Variants in OCA2 observed in about 807,000 individuals in gnomAD.
OCA2 encodes the protein OCA2 melanosomal transmembrane protein.
In OCA2, 77 loss-of-function variants were observed where a neutral mutation model predicts 100.2. That is an observed-to-expected ratio of 0.77 (90% CI 0.64 to 0.93). The LOEUF (loss-of-function observed/expected upper bound fraction) is 0.93. OCA2 is among the 40% of genes least tolerant of loss of function. The pLI is 0.00. For synonymous variants in OCA2, 432 were observed against 439.2 expected (o/e 0.98, Z 0.21); for missense variants, 1,062 against 1,089.1 (o/e 0.98, Z 0.35).
chr15:27,831,884 A>T (rs1302284418), intron 23 of OCA2, among the ~76,000 whole-genome samples: 1 of 152,158 alleles, frequency 6.6e-6, no homozygotes, highest in Non-Finnish European at 1.5e-5. Context: ...GAGCCCCAGC[A>T]GGGTGTCTGC....
Position 28,019,856 on chromosome 15 carries a change from G to A in OCA2, c.647-1299C>T, listed in dbSNP as rs565020248. ...CCCCTCCTCCCCAGGCAGGCCTCAG[G>A]CCTGCAGCTTTCACAAAGCTCAGCT... On this transcript the variant is annotated intron_variant, in intron 6 of 23. Coordinates refer to ENST00000354638, the MANE Select transcript of OCA2 (RefSeq NM_000275.3). Among the ~76,000 whole-genome samples the A allele has an allele frequency of 2.4e-3, 369 of 152,278 alleles. 1 individual carries two copies. The highest frequency in any genetic ancestry group is 8.6e-3 in the African/African-American group (356 of 41,538).
chr15:27,730,154 C>T, the OCA2 span, among the ~76,000 whole-genome samples: 5 of 152,222 alleles, frequency 3.3e-5, no homozygotes, highest in East Asian at 3.9e-4. Context: ...GGGGCTCACA[C>T]AGCTCCTCCT....
intron 14 of OCA2, among the ~76,000 whole-genome samples, chr15:27,971,516 T>A (rs1324904913): frequency 2.6e-5 from 4 of 152,164 alleles, no homozygotes; most frequent in African/African-American, 9.7e-5. Flanking sequence ...CGACTCATGC[T>A]TACCCAAGGG....
rs78696274 is a variant in OCA2 at position 27,780,786 on chromosome 15, C to T, written c.2433-25314G>A. On this transcript the variant is annotated intron_variant, in intron 23 of 23. Transcript: ENST00000354638. Reference sequence around the variant, plus strand: ...TGAGGCGATATCCTTTGAAGAGGAACGGGAGAATCAAGGTTGTAGGACCAA... The same window carrying T: ...TGAGGCGATATCCTTTGAAGAGGAATGGGAGAATCAAGGTTGTAGGACCAA... Among the ~76,000 whole-genome samples, 441 of 152,130 alleles carry T rather than the reference C, an allele frequency of 2.9e-3. 5 individuals are homozygous for T. The highest frequency in any genetic ancestry group is 9.9e-3 in the African/African-American group (409 of 41,472).
chr15:27,778,290 G>A (rs2032350466), intron 23 of OCA2, among the ~76,000 whole-genome samples: 1 of 152,198 alleles, frequency 6.6e-6, no homozygotes, highest in Non-Finnish European at 1.5e-5. Flanking sequence ...GTTCAGTAGA[G>A]TTCTCGCTAG....
chr15:27,837,943 A>T (rs2151345903), intron 23 of OCA2, among the ~76,000 whole-genome samples: 1 of 152,150 alleles, frequency 6.6e-6, no homozygotes, highest in Non-Finnish European at 1.5e-5. Flanking sequence ...ACACTGACCA[A>T]AGAATAGGAA....
In OCA2 at chr15:28,043,852, G is replaced by T. The variant is rs1157309763; in HGVS notation, c.228-11689C>A. The stretch of plus-strand genomic sequence containing the variant: ...TCCCAAAACAAACCAGATGGGCTAT[G>T]CTTTTCAAGGAAGAAAGATAAGATT... On this transcript the variant is annotated intron_variant, in intron 2 of 23. Transcript: ENST00000354638. The surrounding 1 kb of genome is among the most constrained non-coding windows in gnomAD (Gnocchi z 4.4). Among the ~76,000 whole-genome samples the T allele has an allele frequency of 6.6e-6, 1 of 152,196 alleles. No homozygotes were observed. Among genetic ancestry groups the T allele is most frequent in the Non-Finnish European group, 1.5e-5 (1 of 68,038 alleles).
chr15:27,831,942 G>A (rs991083078), intron 23 of OCA2, among the ~76,000 whole-genome samples: 1 of 152,102 alleles, frequency 6.6e-6, no homozygotes, highest in East Asian at 1.9e-4. Context: ...CTGACGTCCA[G>A]TGCCCGCTCC....
chr15:27,779,556 C>A (rs894177533), intron 23 of OCA2, among the ~76,000 whole-genome samples: 8 of 152,144 alleles, frequency 5.3e-5, no homozygotes, highest in African/African-American at 1.7e-4. Context: ...TAAAGCCTAT[C>A]TTGTCTGATA....
intron 2 of OCA2, among the ~76,000 whole-genome samples, chr15:28,054,252 G>A (rs951176710): frequency 3.9e-5 from 6 of 152,162 alleles, no homozygotes; most frequent in Non-Finnish European, 7.4e-5. Flanking sequence ...ATGTATAAAT[G>A]TGTGTGGATG....
At chr15:27,828,900 C>T (rs543204109) in intron 23 of OCA2, among the ~76,000 whole-genome samples, 1 of 152,168 alleles carries the variant, frequency 6.6e-6, no homozygotes, top group African/African-American at 2.4e-5. Flanking sequence ...GCCGCCCTCT[C>T]AAGCGTGCTA....
At chr15:27,948,096 C>A (rs2039905450) in intron 18 of OCA2, among the ~76,000 whole-genome samples, 1 of 152,182 alleles carries the variant, frequency 6.6e-6, no homozygotes. Flanking sequence ...AATGCAGACA[C>A]ACAGACCATG....
At chr15:27,804,024 A>G (rs76570201) in intron 23 of OCA2, among the ~76,000 whole-genome samples, 6 of 152,324 alleles carry the variant, frequency 3.9e-5, no homozygotes, top group African/African-American at 1.4e-4. Context: ...ACAGGGGTAC[A>G]TATGTGAAAA....
At chr15:27,806,519 T>G (rs539339726) in intron 23 of OCA2, among the ~76,000 whole-genome samples, 53 of 151,978 alleles carry the variant, frequency 3.5e-4, no homozygotes, top group Admixed American at 6.5e-4. Flanking sequence ...AGGGTCGGGG[T>G]AGAAGACCCC....
At chr15:27,799,694 G>C (rs1205559582) in intron 23 of OCA2, among the ~76,000 whole-genome samples, 14 of 151,674 alleles carry the variant, frequency 9.2e-5, no homozygotes, top group Non-Finnish European at 2.1e-4. Context: ...GCAGTGAGCC[G>C]AGATGGTGCC....
chr15:27,845,116 G>T, intron 22 of OCA2, 64 bp from the exon 23 acceptor site: 2 of 1,224,686 alleles, frequency 1.6e-6, no homozygotes. Flanking sequence ...GTTCTCTTTG[G>T]TTTGTAATAT....
chr15:27,814,933 TA>T (rs2034230364), intron 23 of OCA2, among the ~76,000 whole-genome samples: 1 of 138,192 alleles, frequency 7.2e-6, no homozygotes, highest in Non-Finnish European at 1.6e-5. Flanking sequence ...GATAGATAGA[TA>T]GATAGATAGA....
At position 27,983,352 on chromosome 15, in the gene OCA2, C is replaced by A. The variant is rs763883728; in HGVS notation, c.1496G>T (p.Arg499Met). The change falls in exon 14 of 24, where the codon AGG becomes ATG. Residue 499 changes from arginine (R) to methionine (M), a missense_variant. Transcript: ENST00000354638. ...TAGCATGCTGGTACGTACCATCTTC[C>A]TCAGCTCTTGGTTGGAAACAATAAT... ...NVIIVSNQEL[R>M]KMGLDFAGFT... 1 of 1,614,176 alleles carries A rather than the reference C, an allele frequency of 6.2e-7. No individual in the cohort carries two copies. Among genetic ancestry groups the A allele is most frequent in the Non-Finnish European group, 8.5e-7 (1 of 1,180,044 alleles).
chr15:27,962,090 C>A (rs1231460149), intron 15 of OCA2, among the ~76,000 whole-genome samples: 2 of 152,102 alleles, frequency 1.3e-5, no homozygotes, highest in Non-Finnish European at 2.9e-5. Context: ...CTTCCTAGAT[C>A]TATCATTTCC....
Sources: gnomAD v4.1 joint callset for allele counts (sites outside exome capture counted in the v4.1 genomes callset) on GRCh38, gnomAD v4.1.1 for gene constraint, Gnocchi (gnomAD v3.1) non-coding constraint, MANE v1.5 for transcripts, NCBI Gene and HGNC (gene_info 2026-07-23, HGNC 2026-07-21) for gene names.